KCNT2: variants seen among roughly 807,000 people sequenced by gnomAD.
The protein encoded by KCNT2 is potassium sodium-activated channel subfamily T member 2, also known as potassium channel subfamily T member 2.
A neutral mutation model predicts 153.8 loss-of-function variants in KCNT2; 67 were observed. That is an observed-to-expected ratio of 0.44 (90% confidence interval 0.36 to 0.53). The LOEUF is 0.53. KCNT2 is among the 20% of genes least tolerant of loss of function. The pLI is 0.00. For missense variants in KCNT2, 975 were observed against 1,354.8 expected (o/e 0.72, Z 4.40); for synonymous variants, 500 against 458.8 (o/e 1.09, Z -1.15).
At chr1:196,380,349 T>C (rs1468400612) in intron 13 of KCNT2, among the ~76,000 whole-genome samples, 1 of 152,216 alleles carries the variant, frequency 6.6e-6, no homozygotes, top group African/African-American at 2.4e-5. Context: ...TGCAAATGCA[T>C]TGATAAATAT....
intron 5 of KCNT2, among the ~76,000 whole-genome samples, chr1:196,471,042 G>A (rs929921003): frequency 6.6e-5 from 10 of 151,270 alleles, no homozygotes; most frequent in Admixed American, 3.3e-4. Flanking sequence ...CACCACGCCC[G>A]GCTAATCTTT....
chr1:196,268,573 C>T (rs1432452843), intron 25 of KCNT2, among the ~76,000 whole-genome samples: 1 of 152,130 alleles, frequency 6.6e-6, no homozygotes, highest in Admixed American at 6.6e-5. Flanking sequence ...CAGTGTCTCA[C>T]TCCAGTTTTG....
intron 1 of KCNT2, among the ~76,000 whole-genome samples, chr1:196,601,379 T>C (rs1664702526): frequency 6.6e-6 from 1 of 152,248 alleles, no homozygotes; most frequent in African/African-American, 2.4e-5. Flanking sequence ...TTAAATCTAA[T>C]ATCGGTTTCC....
intron 13 of KCNT2, among the ~76,000 whole-genome samples, chr1:196,397,180 T>C (rs1490181160): frequency 6.6e-6 from 1 of 151,542 alleles, no homozygotes; most frequent in Non-Finnish European, 1.5e-5. Context: ...AAAGTCATCA[T>C]TTTAAGAGTT....
intron 26 of KCNT2, chr1:196,257,585 C>T (rs576585188): frequency 7.6e-6 from 7 of 923,792 alleles, no homozygotes; most frequent in Non-Finnish European, 9.0e-6. Context: ...TGTATAATTG[C>T]ATTATTTAAG....
intron 1 of KCNT2, among the ~76,000 whole-genome samples, chr1:196,550,605 A>G (rs1210776228): frequency 6.6e-6 from 1 of 151,890 alleles, no homozygotes; most frequent in Non-Finnish European, 1.5e-5. Flanking sequence ...GAATATTTTT[A>G]TTTTATCCAT....
At chr1:196,474,049 A>G (rs972505188) in intron 5 of KCNT2, among the ~76,000 whole-genome samples, 2 of 152,112 alleles carry the variant, frequency 1.3e-5, no homozygotes, top group African/African-American at 4.8e-5. Flanking sequence ...TTTATTATTG[A>G]CAGAATTCAA....
chr1:196,389,123 T>C (rs1053028403), intron 13 of KCNT2, among the ~76,000 whole-genome samples: 15 of 151,792 alleles, frequency 9.9e-5, no homozygotes, highest in Non-Finnish European at 2.1e-4. Context: ...CTTTAATGTA[T>C]TAATATGGTG....
chr1:196,265,935 C>A (rs1260925327), intron 25 of KCNT2, among the ~76,000 whole-genome samples: 1 of 152,112 alleles, frequency 6.6e-6, no homozygotes, highest in African/African-American at 2.4e-5. Flanking sequence ...ACTTGAGACT[C>A]TCTGAAGGAG....
At chr1:196,366,389 A>G (rs1292091444) in intron 14 of KCNT2, among the ~76,000 whole-genome samples, 1 of 151,768 alleles carries the variant, frequency 6.6e-6, no homozygotes, top group East Asian at 2.0e-4. Flanking sequence ...AAATGCCTGA[A>G]CCCACATGAT....
chr1:196,477,953 A>G (rs1011720840), intron 5 of KCNT2, among the ~76,000 whole-genome samples: 2 of 152,156 alleles, frequency 1.3e-5, no homozygotes, highest in Admixed American at 6.5e-5. Context: ...CTCATTCTCA[A>G]TTGCATACCT....
chr1:196,556,358 A>G (rs547310158), intron 1 of KCNT2, among the ~76,000 whole-genome samples: 1 of 151,554 alleles, frequency 6.6e-6, no homozygotes, highest in South Asian at 2.1e-4. Flanking sequence ...CACGTTTTTC[A>G]AAAGAAAACA....
intron 10 of KCNT2, among the ~76,000 whole-genome samples, chr1:196,427,171 C>T (rs1179759755): frequency 6.6e-6 from 1 of 151,574 alleles, no homozygotes; most frequent in African/African-American, 2.4e-5. Context: ...TATGGAGTTG[C>T]TATTAAAAAT....
intron 14 of KCNT2, among the ~76,000 whole-genome samples, chr1:196,358,915 A>G (rs1667391794): frequency 6.6e-6 from 1 of 151,976 alleles, no homozygotes; most frequent in Non-Finnish European, 1.5e-5. Flanking sequence ...TGTGAATATG[A>G]TGTGTTAAAT....
chr1:196,580,801 A>T (rs972519705), intron 1 of KCNT2, among the ~76,000 whole-genome samples: 1 of 152,150 alleles, frequency 6.6e-6, no homozygotes, highest in Non-Finnish European at 1.5e-5. Flanking sequence ...GAAACTGACT[A>T]TAGAGAATAA....
chr1:196,268,066 G>A (rs1202322056), intron 25 of KCNT2, among the ~76,000 whole-genome samples: 1 of 152,138 alleles, frequency 6.6e-6, no homozygotes, highest in Non-Finnish European at 1.5e-5. Flanking sequence ...ACAAAGGACA[G>A]GACCCAAAGG....
intron 12 of KCNT2, among the ~76,000 whole-genome samples, chr1:196,405,182 G>A (rs897472097): frequency 6.6e-6 from 1 of 150,502 alleles, no homozygotes; most frequent in Non-Finnish European, 1.5e-5. Context: ...TTTTCTAAAA[G>A]CAGAAGATTG....
At chr1:196,368,187 A>T (rs1198842738) in intron 14 of KCNT2, among the ~76,000 whole-genome samples, 1 of 152,158 alleles carries the variant, frequency 6.6e-6, no homozygotes, top group African/African-American at 2.4e-5. Flanking sequence ...ATTCCACAGA[A>T]ATAAAATTAG....
chr1:196,548,270 C>T (rs939971616), intron 1 of KCNT2, among the ~76,000 whole-genome samples: 1 of 151,882 alleles, frequency 6.6e-6, no homozygotes, highest in African/African-American at 2.4e-5. Context: ...ACAAGTGAAT[C>T]TTAAATCCAG....
Sources: gnomAD v4.1 joint callset for allele counts (sites outside exome capture counted in the v4.1 genomes callset) on GRCh38, gnomAD v4.1.1 for gene constraint, MANE v1.5 for transcripts, NCBI Gene and HGNC (gene_info 2026-07-23, HGNC 2026-07-21) for gene names.